KDM3A: variants seen among roughly 807,000 people sequenced by gnomAD.
The protein encoded by KDM3A is lysine-specific demethylase 3A.
Under a neutral mutation model 158.0 loss-of-function variants are expected in KDM3A, and 60 were observed. That is an observed-to-expected ratio of 0.38 (90% CI 0.31 to 0.47). KDM3A has a LOEUF of 0.47. Among genes scored for constraint, KDM3A ranks in the 20% least tolerant of loss-of-function variants. The pLI is 0.99. For synonymous variants in KDM3A, 608 were observed against 549.3 expected, an observed-to-expected ratio of 1.11 and a Z score of -1.49; for missense variants, 1,319 against 1,574.3, an observed-to-expected ratio of 0.84 and a Z score of 2.74.
chr2:86,490,912 C>A lies in KDM3A; in HGVS notation c.3605C>A (p.Ala1202Glu), dbSNP rs1272198811. ...VSEEQGQENP[A>E]DHDPIHDQSW... ...GAAGAGCAAGGTCAAGAAAACCCAG[C>A]AGACCACGATCCTATTCATGATCAA... Residue 1202 changes from alanine (A) to glutamate (E), a missense_variant, in exon 24 of 26, where the codon GCA becomes GAA. Transcript: ENST00000312912. 1 of 1,612,496 alleles carries A rather than the reference C, an allele frequency of 6.2e-7. No homozygotes were observed. Among genetic ancestry groups the A allele is most frequent in the South Asian group, 1.1e-5 (1 of 90,636 alleles).
chr2:86,487,248 T>A (rs1182973174), intron 21 of KDM3A: 3 of 152,196 alleles, frequency 2.0e-5, no homozygotes, highest in Non-Finnish European at 4.4e-5. Context: ...TAGACACTAA[T>A]AGATGGCAGT....
At chr2:86,441,882 G>A (rs1158164475) in intron 1 of KDM3A, 136 bp from the exon 2 acceptor site, 53 of 441,296 alleles carry the variant, frequency 1.2e-4, no homozygotes, top group African/African-American at 9.4e-4. Flanking sequence ...GGGCGCAGGA[G>A]GGGGGCTCGG....
chr2:86,453,798 C>T (rs1161339898), intron 4 of KDM3A, among the ~76,000 whole-genome samples: 4 of 152,170 alleles, frequency 2.6e-5, no homozygotes, highest in Admixed American at 6.5e-5. Context: ...CACAGCTTCT[C>T]TAACAGACTA....
chr2:86,461,298 T>C (rs1390802097), intron 8 of KDM3A, among the ~76,000 whole-genome samples: 1 of 152,194 alleles, frequency 6.6e-6, no homozygotes, highest in Non-Finnish European at 1.5e-5. Context: ...CCTCCTTCCC[T>C]CTGTTCCTCC....
rs749170478 is a variant in KDM3A, at chr2:86,455,075, C to T, written c.454-10C>T. 6.7e-7 allele frequency: 1 copy of T among 1,490,244 alleles called. No homozygotes were observed. The highest frequency in any genetic ancestry group is 9.2e-7 in the Non-Finnish European group (1 of 1,087,464). 92.3% of individuals were successfully genotyped at this position (1,490,244 alleles called of 1,614,324 possible). On this transcript the variant is annotated splice_polypyrimidine_tract_variant and intron_variant, in intron 4 of 25. Transcript: ENST00000312912. ...TTACCCTTAACATGTAATGATCTTT[C>T]ATTTTTCAGGATGTAAACAGTCTTC...
intron 21 of KDM3A, chr2:86,487,700 C>T (rs141899160): frequency 6.6e-6 from 1 of 152,350 alleles, no homozygotes; most frequent in African/African-American, 2.4e-5. Context: ...TTTTTTCCCC[C>T]TTAAAAGTCC....
At chr2:86,474,742 TAC>T (rs57948637) in intron 11 of KDM3A, 32 bp from the exon 12 acceptor site, 20 of 1,082,978 alleles carry the variant, frequency 1.8e-5, no homozygotes, top group South Asian at 6.4e-5. Flanking sequence ...TGTGTGTGTG[TAC>T]ATTACATCTT....
intron 8 of KDM3A, among the ~76,000 whole-genome samples, chr2:86,461,573 C>T (rs1216669022): frequency 1.3e-5 from 2 of 152,102 alleles, no homozygotes; most frequent in East Asian, 3.9e-4. Flanking sequence ...CAGTGTGTGT[C>T]CCATTGTGAG....
At chr2:86,489,851 T>TA (rs1461583602) in intron 23 of KDM3A, 192 bp downstream of exon 23, 9 of 494,550 alleles carry the variant, frequency 1.8e-5, no homozygotes, top group Admixed American at 7.3e-5. Flanking sequence ...GTTACACTTC[T>TA]AAAAAAAGCA....
In KDM3A at chr2:86,456,670, G is replaced by A. The variant is rs1672713625; in HGVS notation, c.681+104G>A. On this transcript the variant is annotated intron_variant, in intron 6 of 25. Coordinates refer to ENST00000312912, the MANE Select transcript of KDM3A (RefSeq NM_018433.6). Reference sequence around the variant, plus strand: ...ACTAAATACCTTTATTATTTTATAGGGTAGAAATAATTACAGTTGTTTTAA... The same window carrying A: ...ACTAAATACCTTTATTATTTTATAGAGTAGAAATAATTACAGTTGTTTTAA... The A allele has an allele frequency of 6.2e-6, 8 of 1,289,582 alleles. No individual in the cohort carries two copies. In the South Asian group the frequency reaches 6.5e-5, roughly 10 times the overall value. The allele number at this position is 1,289,582 out of a possible 1,614,324, so 79.9% of individuals were successfully genotyped here.
chr2:86,442,415 GC>G, intron 2 of KDM3A, 182 bp downstream of exon 2: 1 of 601,658 alleles, frequency 1.7e-6, no homozygotes, highest in Non-Finnish European at 2.9e-6. Flanking sequence ...GTTGTGTTTG[GC>G]CCACAGCTCC....
At chr2:86,489,730 C>T in intron 23 of KDM3A, 71 bp downstream of exon 23, 1 of 1,502,548 alleles carries the variant, frequency 6.7e-7, no homozygotes, top group Non-Finnish European at 9.0e-7. Context: ...ATGTGGTGAA[C>T]TGACTGGCTT....
chr2:86,464,823 A>G (rs1373184323), intron 9 of KDM3A, among the ~76,000 whole-genome samples: 1 of 152,246 alleles, frequency 6.6e-6, no homozygotes, highest in Non-Finnish European at 1.5e-5. Flanking sequence ...TGGCCTGCGT[A>G]GGCAGGCAGT....
chr2:86,461,102 G>T (rs898583631), intron 8 of KDM3A, among the ~76,000 whole-genome samples: 1 of 152,176 alleles, frequency 6.6e-6, no homozygotes, highest in Admixed American at 6.5e-5. Flanking sequence ...TATGGTAAAA[G>T]CACAGCCCTG....
In KDM3A at chr2:86,464,433, C is replaced by T. The variant is rs116838404; in HGVS notation, c.1007+217C>T. Reference sequence around the variant, plus strand: ...AAGGGGGCATGAGAAAAGAGACTGTCTTGATACAGTGTGAAGGAGCAATTG... The same window carrying T: ...AAGGGGGCATGAGAAAAGAGACTGTTTTGATACAGTGTGAAGGAGCAATTG... On this transcript the variant is annotated intron_variant, in intron 9 of 25. Transcript: ENST00000312912. Among the ~76,000 whole-genome samples the T allele has an allele frequency of 6.5e-3, 986 of 152,224 alleles. 4 individuals carry two copies. Among genetic ancestry groups the T allele is most frequent in the Non-Finnish European group, 0.011 (765 of 68,016 alleles).
upstream of KDM3A, among the ~76,000 whole-genome samples, chr2:86,439,788 G>T (rs989132539): frequency 6.6e-6 from 1 of 151,950 alleles, no homozygotes; most frequent in Non-Finnish European, 1.5e-5. Context: ...CTGTCTTCAT[G>T]GACTTTATCT....
intron 8 of KDM3A, among the ~76,000 whole-genome samples, chr2:86,459,823 G>T (rs1672855596): frequency 6.6e-6 from 1 of 152,038 alleles, no homozygotes; most frequent in South Asian, 2.1e-4. Context: ...TGAGCTGATT[G>T]TTGGGCACAT....
chr2:86,467,504 C>T (rs1318089647), intron 10 of KDM3A: 2 of 152,138 alleles, frequency 1.3e-5, no homozygotes, highest in African/African-American at 4.8e-5. Flanking sequence ...CCTGCTGCAC[C>T]CACAATTTAA....
chr2:86,478,950 TGTA>T (rs1282756770), intron 15 of KDM3A: 18 of 390,470 alleles, frequency 4.6e-5, no homozygotes, highest in Non-Finnish European at 3.2e-5. Context: ...TGTGGCCTCT[TGTA>T]GTAGGTTTTA....
Sources: allele counts gnomAD v4.1 joint callset (sites outside exome capture counted in the v4.1 genomes callset), GRCh38; gene constraint gnomAD v4.1.1; transcripts MANE v1.5; gene names NCBI Gene and HGNC (gene_info 2026-07-23, HGNC 2026-07-21).